HPSE2: variants seen among roughly 807,000 people sequenced by gnomAD.
HPSE2 encodes heparanase 2 (inactive).
Under a neutral mutation model 60.5 loss-of-function variants are expected in HPSE2, and 38 were observed. The observed-to-expected ratio is 0.63, with a 90% CI of 0.48 to 0.82. The LOEUF (loss-of-function observed/expected upper bound fraction) is 0.82. Ranked by LOEUF, HPSE2 falls within the 40% of genes least tolerant of loss-of-function variation. HPSE2 has a pLI of 0.00. For missense variants in HPSE2, 713 were observed against 740.4 expected (o/e 0.96, Z 0.43); for synonymous variants, 295 against 293.2 (o/e 1.01, Z -0.06).
chr10:99,304,735 C>G, the HPSE2 span, among the ~76,000 whole-genome samples: 1 of 152,190 alleles, frequency 6.6e-6, no homozygotes, highest in African/African-American at 2.4e-5. Flanking sequence ...GTGCTCACTC[C>G]TGGGACAAGG....
chr10:98,540,589 G>T (rs1943428306), intron 9 of HPSE2, among the ~76,000 whole-genome samples: 1 of 152,182 alleles, frequency 6.6e-6, no homozygotes, highest in Non-Finnish European at 1.5e-5. Context: ...ATTGAAAAGA[G>T]AACAGAATCC....
intron 3 of HPSE2, among the ~76,000 whole-genome samples, chr10:98,878,559 C>T (rs897243007): frequency 3.3e-5 from 5 of 151,864 alleles, no homozygotes; most frequent in Non-Finnish European, 5.9e-5. Flanking sequence ...TTGAAGAGAT[C>T]CTAGTGTATC....
chr10:99,247,470 A>G, the HPSE2 span, among the ~76,000 whole-genome samples: 3 of 152,254 alleles, frequency 2.0e-5, no homozygotes, highest in Non-Finnish European at 4.4e-5. Context: ...TAGATCCTAT[A>G]AAGCAACCAC....
the HPSE2 span, among the ~76,000 whole-genome samples, chr10:99,312,295 C>T: frequency 6.6e-6 from 1 of 152,158 alleles, no homozygotes; most frequent in Non-Finnish European, 1.5e-5. Flanking sequence ...CTAGGACTTC[C>T]ATAGCTAGAG....
At chr10:98,823,642 G>T (rs1452856744) in intron 3 of HPSE2, among the ~76,000 whole-genome samples, 1 of 151,822 alleles carries the variant, frequency 6.6e-6, no homozygotes, top group Non-Finnish European at 1.5e-5. Context: ...TAAATAAATA[G>T]ATAGATAGAG....
At position 98,738,113 on chromosome 10, in the gene HPSE2, G is replaced by A. The variant is rs971427129; in HGVS notation, c.784+5770C>T. Among the ~76,000 whole-genome samples, 8 of 152,058 alleles carry A rather than the reference G, an allele frequency of 5.3e-5. No homozygotes were observed. The East Asian group carries it at 9.6e-4, about 18-fold the overall frequency. On this transcript the variant is annotated intron_variant, in intron 4 of 11. Transcript: ENST00000370552. ...AAGGCTACAGTAACCAAAACAGCAC[G>A]GTACTGGTACCAAAACAGATATATA...
In HPSE2 at chr10:98,808,089, T is replaced by C. The variant is rs1320074124; in HGVS notation, c.611-64033A>G. Reference sequence around the variant, plus strand: ...CTTTGAGATTTTTCACAAGCTCCTATGGGTGACTTACTTATATTTCTTCAG... The same window carrying C: ...CTTTGAGATTTTTCACAAGCTCCTACGGGTGACTTACTTATATTTCTTCAG... On this transcript the variant is annotated intron_variant, in intron 3 of 11. Coordinates refer to ENST00000370552, the MANE Select transcript of HPSE2 (RefSeq NM_021828.5). Among the ~76,000 whole-genome samples, 4 of 152,332 alleles carry C rather than the reference T, an allele frequency of 2.6e-5. No homozygotes were observed. The South Asian group carries it at 6.2e-4, about 24-fold the overall frequency.
At chr10:98,695,485 C>A (rs960374952) in intron 5 of HPSE2, among the ~76,000 whole-genome samples, 1 of 152,160 alleles carries the variant, frequency 6.6e-6, no homozygotes. Flanking sequence ...ACATTTACTA[C>A]GTACCTACTG....
chr10:98,479,868 T>A (rs552112244), intron 11 of HPSE2, among the ~76,000 whole-genome samples: 4 of 152,192 alleles, frequency 2.6e-5, no homozygotes, highest in Non-Finnish European at 4.4e-5. Context: ...TTCAACCATA[T>A]TTTCCAAATT....
At chr10:99,297,758 G>C in the HPSE2 span, among the ~76,000 whole-genome samples, 1 of 152,036 alleles carries the variant, frequency 6.6e-6, no homozygotes, top group Non-Finnish European at 1.5e-5. Flanking sequence ...GGGTGGCCCA[G>C]GGTTTTCAAC....
chr10:98,479,924 G>C (rs1271801668), intron 11 of HPSE2, among the ~76,000 whole-genome samples: 1 of 152,184 alleles, frequency 6.6e-6, no homozygotes, highest in Non-Finnish European at 1.5e-5. Flanking sequence ...GCTCAGGTTT[G>C]ATCACAAAGA....
chr10:99,255,563 TACACACACAC>T, the HPSE2 span, among the ~76,000 whole-genome samples: 371 of 147,306 alleles, frequency 2.5e-3, no homozygotes, highest in Middle Eastern at 7.0e-3. Context: ...CATGCACACA[TACACACACAC>T]ACACACACAC....
intron 2 of HPSE2, among the ~76,000 whole-genome samples, chr10:99,226,164 GCT>G (rs1849465840): frequency 6.6e-6 from 1 of 151,836 alleles, no homozygotes; most frequent in South Asian, 2.1e-4. Flanking sequence ...TTTGCCTCAT[GCT>G]CTCTCTCTTG....
intron 7 of HPSE2, among the ~76,000 whole-genome samples, chr10:98,639,115 T>C (rs1010598336): frequency 2.6e-5 from 4 of 152,184 alleles, no homozygotes; most frequent in African/African-American, 9.7e-5. Context: ...ATGTGACTTC[T>C]GAGGGTAGGT....
At chr10:99,308,527 T>C in the HPSE2 span, among the ~76,000 whole-genome samples, 3 of 152,086 alleles carry the variant, frequency 2.0e-5, no homozygotes, top group South Asian at 6.2e-4. Context: ...GAAAACATTA[T>C]ACGAAATTCG....
At chr10:98,879,899 C>A (rs1307309839) in intron 3 of HPSE2, among the ~76,000 whole-genome samples, 1 of 139,454 alleles carries the variant, frequency 7.2e-6, no homozygotes, top group Non-Finnish European at 1.6e-5. Context: ...TGTGTTTCTG[C>A]AGAATCCTAC....
At chr10:99,037,756 A>G (rs975515618) in intron 3 of HPSE2, among the ~76,000 whole-genome samples, 2 of 152,054 alleles carry the variant, frequency 1.3e-5, no homozygotes, top group Non-Finnish European at 2.9e-5. Context: ...TACCTTGCCT[A>G]TTAGGTTAAA....
At chr10:99,234,091 C>G (rs1564912592) in intron 1 of HPSE2, among the ~76,000 whole-genome samples, 1 of 152,232 alleles carries the variant, frequency 6.6e-6, no homozygotes, top group Non-Finnish European at 1.5e-5. Context: ...TTGCACCCTA[C>G]ATTCGGACGA....
At chr10:98,789,904 T>C (rs900124351) in intron 3 of HPSE2, among the ~76,000 whole-genome samples, 15 of 152,172 alleles carry the variant, frequency 9.9e-5, no homozygotes, top group Admixed American at 7.2e-4. Context: ...CACGTAATAG[T>C]TGAATCACAA....
Sources: gnomAD v4.1 joint callset for allele counts (sites outside exome capture counted in the v4.1 genomes callset) on GRCh38, gnomAD v4.1.1 for gene constraint, MANE v1.5 for transcripts, NCBI Gene and HGNC (gene_info 2026-07-23, HGNC 2026-07-21) for gene names.